Variants in AHCTF1 observed in about 807,000 individuals in gnomAD.
AHCTF1 encodes AT-hook containing transcription factor 1.
In AHCTF1, 24 loss-of-function variants were observed where a neutral mutation model predicts 248.4. The ratio of observed to expected loss-of-function variants is 0.10; its 90% CI spans 0.07 to 0.14. The LOEUF (loss-of-function observed/expected upper bound fraction) is 0.14. Among genes scored for constraint, AHCTF1 ranks in the 10% least tolerant of loss-of-function variants. The pLI, the probability that AHCTF1 is intolerant of heterozygous loss-of-function variation, is 1.00. For missense variants in AHCTF1, 2,206 were observed against 2,636.2 expected (o/e 0.84, Z 3.57); for synonymous variants, 786 against 929.8 (o/e 0.85, Z 2.81).
At chr1:246,913,097 C>CT (rs77666704) in intron 4 of AHCTF1, 135 bp downstream of exon 4, 45,095 of 576,684 alleles carry the variant, frequency 0.078, no homozygotes, top group Middle Eastern at 0.1. Flanking sequence ...TTTAAAATAC[C>CT]TTTTTTTTTT....
At chr1:246,867,891 A>ACCC (rs936329065) in intron 24 of AHCTF1, 80 bp from the exon 25 acceptor site, 14 of 332,372 alleles carry the variant, frequency 4.2e-5, no homozygotes, top group South Asian at 1.6e-4. Flanking sequence ...GAATGATTAC[A>ACCC]CCCCCCCCCC....
chr1:246,852,749 G>GT (rs1553285990), intron 32 of AHCTF1, among the ~76,000 whole-genome samples: 3 of 152,068 alleles, frequency 2.0e-5, no homozygotes, highest in African/African-American at 4.8e-5. Context: ...ATGAAAACCA[G>GT]TTTATTTATT....
intron 3 of AHCTF1, among the ~76,000 whole-genome samples, chr1:246,914,788 T>C (rs767833484): frequency 6.6e-6 from 1 of 152,180 alleles, no homozygotes; most frequent in Non-Finnish European, 1.5e-5. Context: ...CAACCATGCA[T>C]TCAACTGAGC....
chr1:246,917,441 T>C (rs1304879047), intron 2 of AHCTF1, among the ~76,000 whole-genome samples: 2 of 151,928 alleles, frequency 1.3e-5, no homozygotes, highest in African/African-American at 4.9e-5. Context: ...CATGGTACAG[T>C]GGGGTCTGAG....
At chr1:246,903,838 A>C (rs1394233056) in intron 7 of AHCTF1, 111 bp downstream of exon 7, 5 of 36,088 alleles carry the variant, frequency 1.4e-4, no homozygotes, top group Non-Finnish European at 2.0e-4. Context: ...ACTCTGTCTC[A>C]AAAAAAAAAA....
chr1:246,913,097 C>CTTTTTTT, intron 4 of AHCTF1, 135 bp downstream of exon 4: 1 of 601,404 alleles, frequency 1.7e-6, no homozygotes, highest in African/African-American at 2.0e-5. Context: ...TTTAAAATAC[C>CTTTTTTT]TTTTTTTTTT....
chr1:246,926,302 T>C (rs1447562556), intron 1 of AHCTF1, among the ~76,000 whole-genome samples: 1 of 152,238 alleles, frequency 6.6e-6, no homozygotes, highest in Admixed American at 6.5e-5. Context: ...ATTCAAACTT[T>C]GAATCCAGGT....
intron 21 of AHCTF1, among the ~76,000 whole-genome samples, chr1:246,879,043 G>A (rs1385191854): frequency 6.6e-6 from 1 of 152,058 alleles, no homozygotes; most frequent in Non-Finnish European, 1.5e-5. Context: ...GAAAAATAGA[G>A]GATAAGATGA....
chr1:246,856,097 TG>T (rs1258591321), intron 30 of AHCTF1, among the ~76,000 whole-genome samples: 12 of 152,250 alleles, frequency 7.9e-5, no homozygotes, highest in Non-Finnish European at 1.6e-4. Flanking sequence ...TTAAAATGCC[TG>T]TCAGTATACA....
Position 246,842,690 on chromosome 1 carries a change from A to G in AHCTF1, c.6608+4T>C. 3 of 1,612,686 alleles carry G rather than the reference A, an allele frequency of 1.9e-6. No individual in the cohort carries two copies. The highest frequency in any genetic ancestry group is 2.5e-6 in the Non-Finnish European group (3 of 1,179,732). On this transcript the variant is annotated splice_donor_region_variant and intron_variant, in intron 35 of 35. Transcript: ENST00000648844. ...TCAATCAAGAACAGAACAGAAAGTCATACTTGCTTGCTTGTTTTGTTTTTG... is the reference window on the plus strand; with the variant it reads ...TCAATCAAGAACAGAACAGAAAGTCGTACTTGCTTGCTTGTTTTGTTTTTG...
chr1:246,868,280 C>G (rs1662170611), intron 24 of AHCTF1, among the ~76,000 whole-genome samples: 1 of 152,114 alleles, frequency 6.6e-6, no homozygotes, highest in Admixed American at 6.5e-5. Flanking sequence ...AGGAATGTGC[C>G]ACCACGCTAA....
At chr1:246,921,598 C>T (rs1666554771) in intron 1 of AHCTF1, among the ~76,000 whole-genome samples, 1 of 152,076 alleles carries the variant, frequency 6.6e-6, no homozygotes, top group South Asian at 2.1e-4. Context: ...TAGGAAGAAG[C>T]AATATATTTC....
intron 29 of AHCTF1, among the ~76,000 whole-genome samples, chr1:246,859,914 A>C (rs748430743): frequency 6.6e-6 from 1 of 152,130 alleles, no homozygotes; most frequent in Non-Finnish European, 1.5e-5. Context: ...AGTAGAATGA[A>C]ATTCTTAATT....
chr1:246,929,303 G>C (rs1667161419), intron 1 of AHCTF1, among the ~76,000 whole-genome samples: 1 of 152,110 alleles, frequency 6.6e-6, no homozygotes, highest in Non-Finnish European at 1.5e-5. Flanking sequence ...CAGCTACTCG[G>C]GAGGCTGAGG....
At chr1:246,867,399 TAAC>T (rs1558228987) in intron 25 of AHCTF1, 48 bp from the exon 26 acceptor site, 5 of 1,270,412 alleles carry the variant, frequency 3.9e-6, no homozygotes, top group Non-Finnish European at 1.1e-6. Context: ...GGAGCACTGA[TAAC>T]AAGTGGATGA....
At chr1:246,902,737 A>G in intron 7 of AHCTF1, 62 bp from the exon 8 acceptor site, 2 of 1,415,026 alleles carry the variant, frequency 1.4e-6, no homozygotes, top group Non-Finnish European at 1.9e-6. Flanking sequence ...CTCTAAAATT[A>G]AATATTCTCC....
At chr1:246,880,893 T>C (rs1481891213) in intron 21 of AHCTF1, among the ~76,000 whole-genome samples, 2 of 152,144 alleles carry the variant, frequency 1.3e-5, no homozygotes, top group African/African-American at 2.4e-5. Context: ...AATTAATTTA[T>C]GAAAGGCTAG....
In AHCTF1 at chr1:246,900,188, C is replaced by T. The variant is rs757173810; in HGVS notation, c.1309G>A (p.Val437Ile). ...YFALWSLESV[V>I]SRTSPHGILD... The stretch of plus-strand genomic sequence containing the variant: ...ATGCCATGTGGAGAAGTCCTACTTA[C>T]AACAGACTCCAATGACCACAGTGCA... Residue 437 changes from valine (V) to isoleucine (I), a missense_variant, in exon 10 of 36, where the codon GTA (valine) becomes ATA (isoleucine). Physicochemically the swap from Val to Ile is conservative, Grantham distance 29. Transcript: ENST00000648844. 1.2e-6 allele frequency: 2 copies of T among 1,607,408 alleles called. No individual in the cohort carries two copies. Among genetic ancestry groups the T allele is most frequent in the Admixed American group, 1.7e-5 (1 of 58,130 alleles).
rs369166034 is a variant in AHCTF1, at chr1:246,889,923, T to C, written c.2144+43A>G. 410 of 1,456,930 alleles carry C rather than the reference T, an allele frequency of 2.8e-4. 3 individuals are homozygous for C. The highest frequency in any genetic ancestry group is 7.4e-4 in the Middle Eastern group (3 of 4,062). 90.3% of individuals were successfully genotyped at this position (1,456,930 alleles called of 1,614,324 possible). The stretch of plus-strand genomic sequence containing the variant: ...ACGATGAACACTATTCTGAGAAACT[T>C]TGACTTCTTACAGATGTAATTTCTA... On this transcript the variant is annotated intron_variant, in intron 17 of 35. Transcript: ENST00000648844.
Sources: gnomAD v4.1 joint callset for allele counts (sites outside exome capture counted in the v4.1 genomes callset) on GRCh38, gnomAD v4.1.1 for gene constraint, MANE v1.5 for transcripts, NCBI Gene and HGNC (gene_info 2026-07-23, HGNC 2026-07-21) for gene names.